Variants in TLL2 observed in about 807,000 individuals in gnomAD.
The protein encoded by TLL2 is tolloid like 2.
Under a neutral mutation model 123.0 loss-of-function variants are expected in TLL2, and 106 were observed. The observed-to-expected ratio is 0.86, with a 90% CI of 0.74 to 1.01. The LOEUF (loss-of-function observed/expected upper bound fraction) is 1.01, where lower values mean the gene tolerates loss of function less well. TLL2 is among the 50% of genes least tolerant of loss of function. The pLI is 0.00. For missense variants in TLL2, 1,332 were observed against 1,336.7 expected (o/e 1.00, Z 0.06); for synonymous variants, 494 against 516.8 (o/e 0.96, Z 0.60).
At chr10:96,512,481 A>G (rs563457597) in intron 1 of TLL2, among the ~76,000 whole-genome samples, 8 of 152,128 alleles carry the variant, frequency 5.3e-5, no homozygotes, top group Non-Finnish European at 1.2e-4. Flanking sequence ...CAGCCCCGGG[A>G]AGGAGCACCT....
chr10:96,454,903 C>T (rs1448416401), intron 2 of TLL2, among the ~76,000 whole-genome samples: 2 of 152,154 alleles, frequency 1.3e-5, no homozygotes, highest in Non-Finnish European at 2.9e-5. Flanking sequence ...GGAAGAAGTT[C>T]AAGTTCTCCT....
intron 2 of TLL2, among the ~76,000 whole-genome samples, chr10:96,465,927 G>A (rs903459821): frequency 6.6e-6 from 1 of 152,316 alleles, no homozygotes; most frequent in East Asian, 1.9e-4. Flanking sequence ...ATTTTTATGA[G>A]AAATCTGATT....
At chr10:96,440,919 T>C (rs1341025929) in intron 3 of TLL2, among the ~76,000 whole-genome samples, 2 of 152,214 alleles carry the variant, frequency 1.3e-5, no homozygotes, top group African/African-American at 4.8e-5. Flanking sequence ...CTTGGATTAC[T>C]ACTATCTGGA....
rs538303093 is a variant in TLL2, at chr10:96,396,585, T to C, written c.1385-565A>G. The stretch of plus-strand genomic sequence containing the variant: ...TTTCTGGTAGTTTTCCCCTTTCTTT[T>C]TTTTTTTTTTTTTTTGGTAGAGGGT... On this transcript the variant is annotated intron_variant, in intron 11 of 20. Coordinates refer to ENST00000357947, the MANE Select transcript of TLL2 (RefSeq NM_012465.4). Among the ~76,000 whole-genome samples the C allele has an allele frequency of 5.9e-4, 88 of 148,998 alleles. 1 individual carries two copies. The Middle Eastern group carries it at 0.021, about 35-fold the overall frequency.
At chr10:96,503,994 A>G (rs1033829390) in intron 1 of TLL2, among the ~76,000 whole-genome samples, 8 of 152,190 alleles carry the variant, frequency 5.3e-5, no homozygotes, top group African/African-American at 1.7e-4. Flanking sequence ...CAGGGATTAG[A>G]GGTCTCAATG....
intron 10 of TLL2, among the ~76,000 whole-genome samples, chr10:96,404,238 C>T (rs1846427670): frequency 6.6e-6 from 1 of 152,096 alleles, no homozygotes. Flanking sequence ...TAGAAATACC[C>T]ACAGGTGTGG....
intron 1 of TLL2, among the ~76,000 whole-genome samples, chr10:96,497,660 C>T (rs755153300): frequency 2.0e-5 from 3 of 152,212 alleles, no homozygotes; most frequent in Non-Finnish European, 4.4e-5. Context: ...CCTCCCCTGC[C>T]CCTCACCACA....
At chr10:96,438,441 G>T (rs2134083725) in intron 3 of TLL2, among the ~76,000 whole-genome samples, 1 of 152,276 alleles carries the variant, frequency 6.6e-6, no homozygotes, top group Admixed American at 6.5e-5. Context: ...AGAAATGTGA[G>T]CCATTATAGA....
chr10:96,474,234 G>C (rs895821022), intron 2 of TLL2, among the ~76,000 whole-genome samples: 1 of 152,094 alleles, frequency 6.6e-6, no homozygotes. Flanking sequence ...CCAAAATGCG[G>C]CTGCCACATC....
chr10:96,380,059 C>T (rs1330837512), intron 16 of TLL2, among the ~76,000 whole-genome samples: 2 of 152,230 alleles, frequency 1.3e-5, no homozygotes, highest in African/African-American at 4.8e-5. Flanking sequence ...GCCTCAGTTG[C>T]CTCACTTGTA....
At chr10:96,491,147 G>C (rs1847408518) in intron 1 of TLL2, among the ~76,000 whole-genome samples, 1 of 152,168 alleles carries the variant, frequency 6.6e-6, no homozygotes, top group Admixed American at 6.5e-5. Context: ...TTGGGAGGCT[G>C]GGGCAGGCGG....
At chr10:96,496,598 C>T (rs544640813) in intron 1 of TLL2, among the ~76,000 whole-genome samples, 1 of 152,344 alleles carries the variant, frequency 6.6e-6, no homozygotes, top group Admixed American at 6.5e-5. Flanking sequence ...GATACAGTCT[C>T]CTGCCTCGCC....
chr10:96,415,827 T>G (rs72829543), intron 7 of TLL2, among the ~76,000 whole-genome samples: 474 of 106,760 alleles, frequency 4.4e-3, no homozygotes, highest in Middle Eastern at 0.017. Context: ...AAATACCTAT[T>G]ACCCCTGGTT....
At chr10:96,490,374 G>A (rs1847399883) in intron 1 of TLL2, among the ~76,000 whole-genome samples, 1 of 152,196 alleles carries the variant, frequency 6.6e-6, no homozygotes, top group Non-Finnish European at 1.5e-5. Context: ...GGTGAGAACA[G>A]CGGAGAAAAA....
chr10:96,477,681 T>C (rs1354586876), intron 2 of TLL2, among the ~76,000 whole-genome samples: 1 of 152,198 alleles, frequency 6.6e-6, no homozygotes, highest in Non-Finnish European at 1.5e-5. Context: ...TACTCTGAGG[T>C]AAGGATTATT....
intron 3 of TLL2, among the ~76,000 whole-genome samples, chr10:96,439,712 T>C (rs780097160): frequency 6.6e-5 from 10 of 152,208 alleles, no homozygotes; most frequent in Non-Finnish European, 1.3e-4. Context: ...TAGTTGGTCA[T>C]ATTTCCAGAC....
At position 96,421,126 on chromosome 10, in the gene TLL2, A is replaced by G; in HGVS notation, c.818-65T>C. On this transcript the variant is annotated intron_variant, in intron 6 of 20. Coordinates refer to ENST00000357947, the MANE Select transcript of TLL2 (RefSeq NM_012465.4). ...TCAGGCACCTGAAAGGAGGCAGAGG[A>G]AGGAGAAGGAGGGCCCATAACAACT... The G allele has an allele frequency of 5.6e-6, 7 of 1,258,978 alleles. No individual in the cohort carries two copies. In the South Asian group the frequency reaches 7.2e-5, roughly 13 times the overall value. The allele number at this position is 1,258,978 out of a possible 1,614,324, so 78.0% of individuals were successfully genotyped here. A position where few individuals can be genotyped will look rare whatever the true frequency, so the allele number is the denominator to read the frequency against.
intron 16 of TLL2, among the ~76,000 whole-genome samples, chr10:96,379,726 G>T (rs949079471): frequency 1.3e-5 from 2 of 152,220 alleles, no homozygotes; most frequent in African/African-American, 4.8e-5. Context: ...GGAGGCTGAG[G>T]CAGGAGAATT....
intron 1 of TLL2, among the ~76,000 whole-genome samples, chr10:96,495,942 T>C (rs370648056): frequency 9.2e-4 from 140 of 152,320 alleles, no homozygotes; most frequent in African/African-American, 3.0e-3. Context: ...AAGTTTTACA[T>C]TGAAGACTTG....
Sources: allele counts gnomAD v4.1 joint callset (sites outside exome capture counted in the v4.1 genomes callset), GRCh38; gene constraint gnomAD v4.1.1; transcripts MANE v1.5; gene names NCBI Gene and HGNC (gene_info 2026-07-23, HGNC 2026-07-21).